The following KPNA1 variants were observed in gnomAD, a reference collection of about 807,000 sequenced individuals.
KPNA1 encodes karyopherin subunit alpha 1, also known as importin subunit alpha-5.
Under a neutral mutation model 70.5 loss-of-function variants are expected in KPNA1, and 10 were observed. The ratio of observed to expected loss-of-function variants is 0.14; its 90% CI spans 0.09 to 0.24. The LOEUF (loss-of-function observed/expected upper bound fraction) is 0.24, where lower values mean the gene tolerates loss of function less well. KPNA1 is among the 10% of genes least tolerant of loss of function. The pLI, the probability that KPNA1 is intolerant of heterozygous loss-of-function variation, is 1.00. For missense variants in KPNA1, 397 were observed against 637.9 expected (o/e 0.62, Z 4.07); for synonymous variants, 192 against 221.9 (o/e 0.87, Z 1.20).
At chr3:122,433,933 C>G (rs1394037954) in intron 11 of KPNA1, 145 bp from the exon 12 acceptor site, 14 of 679,878 alleles carry the variant, frequency 2.1e-5, no homozygotes, top group Non-Finnish European at 2.3e-6. Flanking sequence ...GTCATTATCT[C>G]TAACCTTTTT....
chr3:122,430,514 C>CTGTGTGTGTGTGTGTG (rs1163981557), intron 12 of KPNA1, among the ~76,000 whole-genome samples: 2 of 84,052 alleles, frequency 2.4e-5, no homozygotes, highest in South Asian at 3.6e-4. Flanking sequence ...ACTGTACTAC[C>CTGTGTGTGTGTGTGTG]AGTGTGTGTG....
chr3:122,444,726 G>C (rs1031615705), intron 9 of KPNA1, among the ~76,000 whole-genome samples: 3 of 152,184 alleles, frequency 2.0e-5, no homozygotes, highest in African/African-American at 7.2e-5. Flanking sequence ...AATATTTGCT[G>C]TTCTGTGGCC....
chr3:122,500,369 G>A (rs992224557), intron 1 of KPNA1, among the ~76,000 whole-genome samples: 7 of 151,990 alleles, frequency 4.6e-5, no homozygotes, highest in South Asian at 2.1e-4. Flanking sequence ...AGATCCACCC[G>A]CCTCTGCCTC....
At chr3:122,505,274 CAAAAAA>C (rs376502610) in intron 1 of KPNA1, among the ~76,000 whole-genome samples, 1 of 99,538 alleles carries the variant, frequency 1.0e-5, no homozygotes, top group African/African-American at 4.1e-5. Flanking sequence ...CTGCATGCCT[CAAAAAA>C]AAAAAAAAAA....
At chr3:122,444,594 G>A (rs1311030279) in intron 9 of KPNA1, among the ~76,000 whole-genome samples, 1 of 152,196 alleles carries the variant, frequency 6.6e-6, no homozygotes, top group East Asian at 1.9e-4. Context: ...CAGGGTCCCT[G>A]ACTTCCTGCC....
chr3:122,427,897 A>G (rs2075843929), intron 12 of KPNA1, among the ~76,000 whole-genome samples, 181 bp from the exon 13 acceptor site: 1 of 152,160 alleles, frequency 6.6e-6, no homozygotes, highest in African/African-American at 2.4e-5. Context: ...CCCTCTAAAT[A>G]AATTATCCCA....
chr3:122,505,985 G>A (rs2076886327), intron 1 of KPNA1, among the ~76,000 whole-genome samples: 1 of 152,250 alleles, frequency 6.6e-6, no homozygotes, highest in African/African-American at 2.4e-5. Context: ...GAACTACAAC[G>A]TTTTTAACCA....
chr3:122,435,938 A>C (rs2107721295), intron 11 of KPNA1, among the ~76,000 whole-genome samples: 1 of 152,358 alleles, frequency 6.6e-6, no homozygotes, highest in African/African-American at 2.4e-5. Context: ...ATGTTCAGGG[A>C]ACAAGGGAGA....
chr3:122,513,563 T>C (rs1352032164), intron 1 of KPNA1, among the ~76,000 whole-genome samples: 3 of 152,098 alleles, frequency 2.0e-5, no homozygotes, highest in Admixed American at 2.0e-4. Context: ...CCGCCTGTAG[T>C]TCCAGCTAGT....
At chr3:122,501,722 G>T (rs930559660) in intron 1 of KPNA1, among the ~76,000 whole-genome samples, 3 of 152,100 alleles carry the variant, frequency 2.0e-5, no homozygotes, top group African/African-American at 7.2e-5. Flanking sequence ...TGGTAGTGTG[G>T]TCTATACATG....
chr3:122,502,021 G>A (rs2076834783), intron 1 of KPNA1, among the ~76,000 whole-genome samples: 1 of 152,154 alleles, frequency 6.6e-6, no homozygotes, highest in African/African-American at 2.4e-5. Flanking sequence ...ATACGAACAT[G>A]ATTTTGATGC....
chr3:122,509,186 C>T (rs1350018151), intron 1 of KPNA1, among the ~76,000 whole-genome samples: 3 of 150,796 alleles, frequency 2.0e-5, no homozygotes, highest in Non-Finnish European at 2.9e-5. Flanking sequence ...GCAGAGGTTG[C>T]GGTGAGCCAA....
At chr3:122,435,181 TAC>T (rs376986867) in intron 11 of KPNA1, among the ~76,000 whole-genome samples, 6 of 152,234 alleles carry the variant, frequency 3.9e-5, no homozygotes, top group East Asian at 1.9e-4. Context: ...GATGCTTCAA[TAC>T]ACACACACAA....
At chr3:122,438,613 C>T (rs1318258521) in intron 10 of KPNA1, among the ~76,000 whole-genome samples, 2 of 151,730 alleles carry the variant, frequency 1.3e-5, no homozygotes, top group Admixed American at 6.6e-5. Context: ...CTTGAACTCC[C>T]GACCTCATGT....
At chr3:122,438,653 T>C (rs891210993) in intron 10 of KPNA1, among the ~76,000 whole-genome samples, 1 of 152,188 alleles carries the variant, frequency 6.6e-6, no homozygotes, top group Non-Finnish European at 1.5e-5. Context: ...CCCAAAGTGC[T>C]GGGATTACAG....
At chr3:122,508,959 T>C (rs2076921860) in intron 1 of KPNA1, among the ~76,000 whole-genome samples, 1 of 152,078 alleles carries the variant, frequency 6.6e-6, no homozygotes, top group Non-Finnish European at 1.5e-5. Context: ...AAAATAAGAA[T>C]GAGAGGCTGG....
intron 9 of KPNA1, among the ~76,000 whole-genome samples, chr3:122,442,532 C>T (rs1336013254): frequency 6.6e-6 from 1 of 152,156 alleles, no homozygotes; most frequent in Admixed American, 6.5e-5. Context: ...AGTGACACAT[C>T]AACAGCTGAA....
At chr3:122,475,118 G>A (rs908115190) in intron 2 of KPNA1, among the ~76,000 whole-genome samples, 10 of 152,100 alleles carry the variant, frequency 6.6e-5, no homozygotes, top group East Asian at 5.8e-4. Context: ...TGAAGACTCC[G>A]CCAATAAACT....
intron 1 of KPNA1, among the ~76,000 whole-genome samples, chr3:122,506,522 C>T (rs116385335): frequency 3.4e-4 from 52 of 152,184 alleles, no homozygotes; most frequent in African/African-American, 1.1e-3. Context: ...TTTTCCTATA[C>T]GATAATTAAG....
Sources: gnomAD v4.1 joint callset for allele counts (sites outside exome capture counted in the v4.1 genomes callset) on GRCh38, gnomAD v4.1.1 for gene constraint, MANE v1.5 for transcripts, NCBI Gene and HGNC (gene_info 2026-07-23, HGNC 2026-07-21) for gene names.